The following CDK14 variants were observed in gnomAD, a reference collection of about 807,000 sequenced individuals.
The protein encoded by CDK14 is cyclin dependent kinase 14, also known as cyclin-dependent kinase 14.
A neutral mutation model predicts 60.7 loss-of-function variants in CDK14; 34 were observed. The ratio of observed to expected loss-of-function variants is 0.56; its 90% CI spans 0.43 to 0.75. The LOEUF is 0.75. CDK14 is among the 30% of genes least tolerant of loss of function. The pLI, the probability that CDK14 is intolerant of heterozygous loss-of-function variation, is 0.00. For missense variants in CDK14, 482 were observed against 564.1 expected (o/e 0.85, Z 1.47); for synonymous variants, 197 against 203.7 (o/e 0.97, Z 0.28).
At chr7:90,872,817 A>G (rs940531073) in intron 6 of CDK14, among the ~76,000 whole-genome samples, 1 of 152,170 alleles carries the variant, frequency 6.6e-6, no homozygotes, top group African/African-American at 2.4e-5. Flanking sequence ...ATGCCTGCCT[A>G]TCCACAAAAG....
intron 7 of CDK14, among the ~76,000 whole-genome samples, chr7:90,915,251 A>G (rs1389014279): frequency 6.6e-6 from 1 of 152,164 alleles, no homozygotes; most frequent in Admixed American, 6.5e-5. Flanking sequence ...CCTGGCTAAC[A>G]TGGTGAAACC....
At chr7:90,641,547 GT>G (rs1800332705) in intron 2 of CDK14, among the ~76,000 whole-genome samples, 1 of 151,900 alleles carries the variant, frequency 6.6e-6, no homozygotes, top group African/African-American at 2.4e-5. Flanking sequence ...GTATGATTCT[GT>G]TTATATGAAA....
intron 4 of CDK14, among the ~76,000 whole-genome samples, chr7:90,779,248 G>A (rs1041594524): frequency 7.9e-5 from 12 of 151,950 alleles, no homozygotes; most frequent in African/African-American, 2.7e-4. Flanking sequence ...GTGAGACTCC[G>A]TCTCAAAAAA....
intron 9 of CDK14, among the ~76,000 whole-genome samples, chr7:90,961,725 A>G (rs535848125): frequency 1.9e-4 from 29 of 152,360 alleles, no homozygotes; most frequent in African/African-American, 6.3e-4. Flanking sequence ...ATGCAACATA[A>G]CAAAAGAACT....
At chr7:91,001,465 G>A (rs751751006) in intron 10 of CDK14, among the ~76,000 whole-genome samples, 4 of 152,172 alleles carry the variant, frequency 2.6e-5, no homozygotes, top group Admixed American at 6.5e-5. Flanking sequence ...TTTTATCCAC[G>A]CTGTGTTGCA....
At chr7:90,766,830 C>T (rs755722855) in intron 4 of CDK14, among the ~76,000 whole-genome samples, 6 of 152,052 alleles carry the variant, frequency 3.9e-5, no homozygotes, top group Admixed American at 1.3e-4. Flanking sequence ...TCACACTGTC[C>T]GCCTTTATCT....
intron 11 of CDK14, among the ~76,000 whole-genome samples, chr7:91,053,943 C>T (rs893843203): frequency 1.2e-4 from 18 of 151,986 alleles, no homozygotes; most frequent in African/African-American, 4.4e-4. Flanking sequence ...AGACTTGCTA[C>T]GTAAATTAAA....
chr7:91,041,194 C>G (rs1797081383), intron 10 of CDK14, among the ~76,000 whole-genome samples: 1 of 138,706 alleles, frequency 7.2e-6, no homozygotes, highest in South Asian at 2.3e-4. Flanking sequence ...TTTTTTTTAA[C>G]AGATGTTAAA....
At chr7:91,172,507 T>C (rs749859611) in intron 14 of CDK14, among the ~76,000 whole-genome samples, 2 of 152,222 alleles carry the variant, frequency 1.3e-5, no homozygotes, top group African/African-American at 2.4e-5. Flanking sequence ...CTAGAAGATA[T>C]TTATTTCCAA....
intron 2 of CDK14, chr7:90,631,868 A>G (rs1800004821): frequency 6.6e-6 from 1 of 152,242 alleles, no homozygotes; most frequent in African/African-American, 2.4e-5. Context: ...AGGTGAATCC[A>G]TTTAAGATGA....
At chr7:90,995,242 T>G (rs889136122) in intron 10 of CDK14, among the ~76,000 whole-genome samples, 5 of 152,194 alleles carry the variant, frequency 3.3e-5, no homozygotes, top group African/African-American at 1.2e-4. Context: ...TGTTACAAGT[T>G]GCTCTGAGGA....
rs1394150405 is a variant in CDK14, at chr7:90,596,665, T to C, written c.38T>C (p.Ile13Thr). Reference protein sequence around the residue: ...DLIEPQPAEKIGKMKKLRRTL... With the variant: ...DLIEPQPAEKTGKMKKLRRTL... ...ATTGAGCCGCAGCCGGCCGAGAAGA[T>C]CGGCAAGATGAAGAAGTTGCGGAGA... The change falls in exon 1 of 15, where the codon ATC (isoleucine) becomes ACC (threonine). Residue 13 changes from isoleucine to threonine, a missense_variant. By Grantham distance (89) the Ile-to-Thr change is moderately conservative (BLOSUM62 -1). Coordinates refer to ENST00000380050, the MANE Select transcript of CDK14 (RefSeq NM_001287135.2). 6.2e-7 allele frequency: 1 copy of C among 1,611,788 alleles called. No individual in the cohort carries two copies. Among genetic ancestry groups the C allele is most frequent in the Admixed American group, 1.7e-5 (1 of 59,990 alleles).
chr7:91,051,985 T>C (rs1797406158), intron 11 of CDK14, among the ~76,000 whole-genome samples: 1 of 152,214 alleles, frequency 6.6e-6, no homozygotes, highest in African/African-American at 2.4e-5. Context: ...CATAGAATTG[T>C]GGTAACCCCA....
intron 2 of CDK14, chr7:90,709,345 A>G: frequency 8.5e-7 from 1 of 1,176,624 alleles, no homozygotes; most frequent in Non-Finnish European, 1.1e-6. Context: ...CACTCAGGAC[A>G]CTTACTGGCT....
intron 2 of CDK14, among the ~76,000 whole-genome samples, chr7:90,694,469 A>G (rs1200729068): frequency 1.3e-5 from 2 of 152,214 alleles, no homozygotes; most frequent in African/African-American, 4.8e-5. Context: ...TTTTTTAACC[A>G]TAAAAATACA....
chr7:91,021,328 G>T (rs1388374092), intron 10 of CDK14, among the ~76,000 whole-genome samples: 1 of 152,148 alleles, frequency 6.6e-6, no homozygotes, highest in Non-Finnish European at 1.5e-5. Context: ...TCAGTAAAAT[G>T]GGAGTAGTAA....
chr7:90,623,829 C>T (rs942355250), intron 2 of CDK14, among the ~76,000 whole-genome samples: 3 of 152,094 alleles, frequency 2.0e-5, no homozygotes, highest in African/African-American at 7.2e-5. Flanking sequence ...AAACACAGCT[C>T]CTGAACCTGA....
intron 8 of CDK14, among the ~76,000 whole-genome samples, chr7:90,925,881 CATATA>C (rs1355287168): frequency 6.6e-6 from 1 of 152,088 alleles, no homozygotes; most frequent in Non-Finnish European, 1.5e-5. Flanking sequence ...TTAAATCACT[CATATA>C]AGAGAAAAGC....
chr7:90,949,734 A>C (rs1794200301), intron 8 of CDK14, among the ~76,000 whole-genome samples: 1 of 152,230 alleles, frequency 6.6e-6, no homozygotes, highest in African/African-American at 2.4e-5. Context: ...GGTTTCTTAT[A>C]AAAAGTAGCA....
Sources: allele counts gnomAD v4.1 joint callset (sites outside exome capture counted in the v4.1 genomes callset), GRCh38; gene constraint gnomAD v4.1.1; transcripts MANE v1.5; gene names NCBI Gene and HGNC (gene_info 2026-07-23, HGNC 2026-07-21).